The following NAALADL2 variants were observed in gnomAD, a reference collection of about 807,000 sequenced individuals.
NAALADL2 encodes N-acetylated alpha-linked acidic dipeptidase like 2.
A neutral mutation model predicts 87.2 loss-of-function variants in NAALADL2; 76 were observed. The ratio of observed to expected loss-of-function variants is 0.87; its 90% CI spans 0.72 to 1.05. The LOEUF is 1.05. NAALADL2 is among the 50% of genes least tolerant of loss of function. The pLI is 0.00. For synonymous variants in NAALADL2, 354 were observed against 331.0 expected, an observed-to-expected ratio of 1.07 and a Z score of -0.75; for missense variants, 1,089 against 945.8, an observed-to-expected ratio of 1.15 and a Z score of -1.99.
rs151153758 is a variant in NAALADL2, at chr3:175,006,289, G to C, written c.44-90501G>C. ...CCTCAGATGCCTTATTTTGGAGGTGGAGTGTTCTTTTGTTATTCCCTTTCT... is the reference window on the plus strand; with the variant it reads ...CCTCAGATGCCTTATTTTGGAGGTGCAGTGTTCTTTTGTTATTCCCTTTCT... On this transcript the variant is annotated intron_variant, in intron 1 of 13. Transcript: ENST00000454872. 7.2e-5 allele frequency among the ~76,000 whole-genome samples: 11 copies of C among 152,260 alleles called. No individual in the cohort carries two copies. The East Asian group carries it at 1.7e-3, about 24-fold the overall frequency.
chr3:175,729,807 GT>G (rs5854655), intron 11 of NAALADL2, among the ~76,000 whole-genome samples: 1 of 144,480 alleles, frequency 6.9e-6, no homozygotes, highest in Non-Finnish European at 1.5e-5. Flanking sequence ...TGACATCCCA[GT>G]TTTTTTTTCC....
intron 1 of NAALADL2, among the ~76,000 whole-genome samples, chr3:174,991,867 G>A (rs1023716971): frequency 7.2e-5 from 11 of 152,026 alleles, no homozygotes; most frequent in Non-Finnish European, 1.0e-4. Context: ...GAAAGGTAAC[G>A]TTTGTATGAA....
intron 10 of NAALADL2, among the ~76,000 whole-genome samples, chr3:175,587,889 AGAC>A (rs1304210905): frequency 2.0e-5 from 3 of 152,160 alleles, no homozygotes; most frequent in African/African-American, 7.2e-5. Context: ...GTGGAGGGAC[AGAC>A]GACAGACCAG....
rs149397379 is a variant in NAALADL2 at position 175,300,759 on chromosome 3, A to T, written c.940-23416A>T. 6.3e-3 allele frequency among the ~76,000 whole-genome samples: 493 copies of T among 77,986 alleles called. 2 individuals carry two copies. The highest frequency in any genetic ancestry group is 0.014 in the South Asian group (31 of 2,146). The allele number at this position is 77,986 out of a possible 152,430, so 51.2% of individuals were successfully genotyped here. A position where few individuals can be genotyped will look rare whatever the true frequency, so the allele number is the denominator to read the frequency against. On this transcript the variant is annotated intron_variant, in intron 4 of 13. Coordinates refer to ENST00000454872, the MANE Select transcript of NAALADL2 (RefSeq NM_207015.3). ...CTCCTGGATTTATTTATTTATTTTT[A>T]TTTATTTATTTATTTATTTATTTAT... is the stretch of plus-strand genomic sequence containing the variant.
intron 2 of NAALADL2, among the ~76,000 whole-genome samples, chr3:174,626,301 T>A (rs2108681453): frequency 6.6e-6 from 1 of 152,204 alleles, no homozygotes; most frequent in East Asian, 1.9e-4. Flanking sequence ...TCAATAATTC[T>A]GAGTGTTGTC....
At chr3:174,708,454 A>G (rs957175202) in intron 2 of NAALADL2, among the ~76,000 whole-genome samples, 4 of 152,192 alleles carry the variant, frequency 2.6e-5, no homozygotes, top group Non-Finnish European at 5.9e-5. Flanking sequence ...TTAGATAAAC[A>G]TTTTATGCAG....
intron 10 of NAALADL2, among the ~76,000 whole-genome samples, chr3:175,588,529 C>CTTTTCTTTT (rs1720880895): frequency 1.1e-5 from 1 of 94,488 alleles, no homozygotes; most frequent in African/African-American, 4.0e-5. Flanking sequence ...TTCTTTCTTT[C>CTTTTCTTTT]TTTTCTTTTT....
At chr3:175,107,957 A>G (rs1723500580) in intron 2 of NAALADL2, among the ~76,000 whole-genome samples, 1 of 91,768 alleles carries the variant, frequency 1.1e-5, no homozygotes, top group African/African-American at 5.8e-5. Flanking sequence ...ATTCTTATCT[A>G]TAAAAAAAAT....
At chr3:175,274,112 G>A (rs1753245335) in intron 4 of NAALADL2, among the ~76,000 whole-genome samples, 1 of 152,144 alleles carries the variant, frequency 6.6e-6, no homozygotes, top group South Asian at 2.1e-4. Flanking sequence ...TTGACTCACT[G>A]TTCCACGTGG....
chr3:175,573,489 C>T (rs1177777315), intron 9 of NAALADL2, among the ~76,000 whole-genome samples: 2 of 152,168 alleles, frequency 1.3e-5, no homozygotes, highest in South Asian at 2.1e-4. Context: ...AGAGCAGGCT[C>T]AATGTGAGAC....
At chr3:174,679,920 G>T (rs551470918) in intron 2 of NAALADL2, among the ~76,000 whole-genome samples, 28 of 152,140 alleles carry the variant, frequency 1.8e-4, no homozygotes, top group African/African-American at 5.8e-4. Context: ...TTACAATTAT[G>T]ATTCTTATCT....
chr3:175,536,679 T>C (rs1301394948), intron 9 of NAALADL2, among the ~76,000 whole-genome samples: 1 of 152,138 alleles, frequency 6.6e-6, no homozygotes, highest in African/African-American at 2.4e-5. Flanking sequence ...AATAAGAATG[T>C]ATTATGTTTA....
intron 1 of NAALADL2, among the ~76,000 whole-genome samples, chr3:174,473,149 A>C (rs1225333943): frequency 6.6e-6 from 1 of 152,144 alleles, no homozygotes; most frequent in Non-Finnish European, 1.5e-5. Flanking sequence ...TATTTGTAAG[A>C]TGGGCTAATA....
Position 175,810,213 on chromosome 3 carries a change from ATATT to A in NAALADL2, c.*7013_*7016del, listed in dbSNP as rs1306818265. 1 of 152,000 alleles carries A rather than the reference ATATT, an allele frequency of 6.6e-6. No individual in the cohort carries two copies. Among genetic ancestry groups the A allele is most frequent in the Admixed American group, 6.6e-5 (1 of 15,212 alleles). The allele number at this position is 152,000 out of a possible 1,614,324, so 9.4% of individuals were successfully genotyped here. A position where few individuals can be genotyped will look rare whatever the true frequency, so the allele number is the denominator to read the frequency against. On this transcript the variant is annotated 3_prime_UTR_variant, in exon 14 of 14. Transcript: ENST00000454872. ...TCTATAATGTGTGGATGCCCATCAG[ATATT>A]TAGTGCATTCTATATTTAGCCCAAG...
intron 2 of NAALADL2, among the ~76,000 whole-genome samples, chr3:174,590,015 T>C (rs1717184974): frequency 6.6e-6 from 1 of 152,178 alleles, no homozygotes; most frequent in Non-Finnish European, 1.5e-5. Context: ...ATTTTCCCAC[T>C]GTACCTGAGA....
At chr3:175,064,988 T>A (rs1250961017) in intron 1 of NAALADL2, among the ~76,000 whole-genome samples, 2 of 152,086 alleles carry the variant, frequency 1.3e-5, no homozygotes, top group Non-Finnish European at 2.9e-5. Context: ...GATTTAAAAA[T>A]TCATTTTCGA....
intron 11 of NAALADL2, among the ~76,000 whole-genome samples, chr3:175,667,239 GAAAAAGAAAGAAAGAAAGA>G (rs1733272576): frequency 2.8e-3 from 230 of 82,058 alleles, no homozygotes; most frequent in African/African-American, 7.7e-3. Context: ...AAGAAAGAAA[GAAAAAGAAAGAAAGAAAGA>G]AAGAAAGGAA....
intron 11 of NAALADL2, among the ~76,000 whole-genome samples, chr3:175,665,312 A>G (rs1390355200): frequency 6.6e-6 from 1 of 152,232 alleles, no homozygotes; most frequent in Non-Finnish European, 1.5e-5. Context: ...TATCTTTTAA[A>G]ATATATTTTT....
chr3:175,693,769 G>A (rs1281404855), intron 11 of NAALADL2, among the ~76,000 whole-genome samples: 3 of 152,154 alleles, frequency 2.0e-5, no homozygotes, highest in Non-Finnish European at 2.9e-5. Context: ...TGCAATCTCA[G>A]CTCACTGCAA....
Sources: allele counts gnomAD v4.1 joint callset (sites outside exome capture counted in the v4.1 genomes callset), GRCh38; gene constraint gnomAD v4.1.1; transcripts MANE v1.5; gene names NCBI Gene and HGNC (gene_info 2026-07-23, HGNC 2026-07-21).